DSCAM: variants seen among roughly 807,000 people sequenced by gnomAD.
DSCAM encodes DS cell adhesion molecule, also known as cell adhesion molecule DSCAM.
In DSCAM, 47 loss-of-function variants were observed where a neutral mutation model predicts 217.7. That is an observed-to-expected ratio of 0.22 (90% confidence interval 0.17 to 0.28). The LOEUF (loss-of-function observed/expected upper bound fraction) is 0.28, where lower values mean the gene tolerates loss of function less well. Ranked by LOEUF, DSCAM falls within the 10% of genes least tolerant of loss-of-function variation. The probability of loss-of-function intolerance (pLI) is 1.00; values close to 1 mark genes in which losing one functional copy is unlikely to be tolerated. For synonymous variants in DSCAM, 1,056 were observed against 1,015.3 expected (o/e 1.04, Z -0.76); for missense variants, 2,080 against 2,618.3 (o/e 0.79, Z 4.49).
intron 1 of DSCAM, among the ~76,000 whole-genome samples, chr21:40,840,459 T>C (rs1251971975): frequency 1.3e-5 from 2 of 152,080 alleles, no homozygotes; most frequent in Non-Finnish European, 2.9e-5. Flanking sequence ...AAACACTGTA[T>C]AGGAATTTTA....
chr21:40,465,289 C>A (rs980247144), intron 3 of DSCAM, among the ~76,000 whole-genome samples: 15 of 152,154 alleles, frequency 9.9e-5, no homozygotes, highest in African/African-American at 3.6e-4. Context: ...TTTGCACCTG[C>A]TTTTCTCTCT....
chr21:40,533,545 TCATCCATCCATTCATC>T (rs200509389), intron 3 of DSCAM, among the ~76,000 whole-genome samples: 12,002 of 67,262 alleles, frequency 0.18, 643 homozygotes, highest in Non-Finnish European at 0.32. Flanking sequence ...ATCCATCCAT[TCATCCATCCATTCATC>T]CATCCATCCA....
chr21:40,380,246 A>G (rs940081909), intron 3 of DSCAM, among the ~76,000 whole-genome samples: 3 of 152,240 alleles, frequency 2.0e-5, no homozygotes, highest in Non-Finnish European at 4.4e-5. Context: ...CAAGTCTGTC[A>G]CTAATCTTTG....
At chr21:40,214,155 T>C (rs544105091) in intron 11 of DSCAM, among the ~76,000 whole-genome samples, 54 of 152,354 alleles carry the variant, frequency 3.5e-4, no homozygotes, top group African/African-American at 1.2e-3. Context: ...AGGTAGTTTG[T>C]TGCCCAGCCC....
intron 10 of DSCAM, among the ~76,000 whole-genome samples, chr21:40,282,404 G>C (rs113560033): frequency 0.056 from 8,527 of 151,610 alleles, 539 homozygotes; most frequent in African/African-American, 0.15. Flanking sequence ...TAGCTAACAC[G>C]GTGAAACCCC....
At chr21:40,706,157 G>C (rs1263852101) in intron 2 of DSCAM, among the ~76,000 whole-genome samples, 1 of 142,470 alleles carries the variant, frequency 7.0e-6, no homozygotes, top group Admixed American at 7.3e-5. Context: ...TCCAGCCTGG[G>C]AAACAGAGCG....
chr21:40,143,967 G>GCTT (rs1312547594), intron 17 of DSCAM, among the ~76,000 whole-genome samples: 7 of 152,152 alleles, frequency 4.6e-5, no homozygotes, highest in African/African-American at 1.7e-4. Flanking sequence ...GGAAATTTGA[G>GCTT]CTTCTGGGTT....
rs541464680 is a variant in DSCAM, at chr21:40,528,862, G to GAC, written c.509-159619_509-159618dup. 2.7e-4 allele frequency among the ~76,000 whole-genome samples: 40 copies of GAC among 146,988 alleles called. No individual in the cohort carries two copies. In the South Asian group the frequency reaches 8.3e-3, roughly 31 times the overall value. On this transcript the variant is annotated intron_variant, in intron 3 of 32. Transcript: ENST00000400454. ...GAGCCTCCTCATGGACAGGATGAAA[G>GAC]ACACATTTTGTCTTTGGCAATGTCC...
chr21:40,094,138 C>T (rs2089647268), intron 20 of DSCAM, among the ~76,000 whole-genome samples: 1 of 152,064 alleles, frequency 6.6e-6, no homozygotes. Flanking sequence ...CTGTATTTGG[C>T]TGAGATGGAG....
At chr21:40,338,979 T>C in intron 7 of DSCAM, 140 bp downstream of exon 7, 2 of 1,069,366 alleles carry the variant, frequency 1.9e-6, no homozygotes, top group Non-Finnish European at 2.7e-6. Flanking sequence ...CATTCCTGAG[T>C]AGGAAGGAGA....
intron 1 of DSCAM, among the ~76,000 whole-genome samples, chr21:40,742,479 A>G (rs974087212): frequency 2.0e-5 from 3 of 152,238 alleles, no homozygotes; most frequent in Non-Finnish European, 2.9e-5. Flanking sequence ...ACATGGTCCT[A>G]CTGACACACT....
chr21:40,666,962 T>C (rs1261476782), intron 3 of DSCAM, among the ~76,000 whole-genome samples: 2 of 152,210 alleles, frequency 1.3e-5, no homozygotes, highest in African/African-American at 4.8e-5. Context: ...AAAAAGGCAT[T>C]GCACAGCCTC....
At chr21:40,840,033 A>T (rs1325459696) in intron 1 of DSCAM, among the ~76,000 whole-genome samples, 1 of 152,226 alleles carries the variant, frequency 6.6e-6, no homozygotes, top group African/African-American at 2.4e-5. Flanking sequence ...TTTTTAAAAA[A>T]TCAGCGTTGA....
intron 11 of DSCAM, among the ~76,000 whole-genome samples, chr21:40,269,293 A>G (rs1352287883): frequency 6.6e-6 from 1 of 152,172 alleles, no homozygotes; most frequent in Non-Finnish European, 1.5e-5. Flanking sequence ...GAATACGGAA[A>G]TCTTCTCCAG....
chr21:40,412,785 A>G (rs9647187), intron 3 of DSCAM, among the ~76,000 whole-genome samples: 56,875 of 152,154 alleles, frequency 0.37, 12,595 homozygotes, highest in Non-Finnish European at 0.48. Flanking sequence ...TAGGAGCCAA[A>G]TGTTAATCCC....
chr21:40,632,902 C>A lies in DSCAM; in HGVS notation c.508+59908G>T, dbSNP rs141876688. 1.4e-4 allele frequency among the ~76,000 whole-genome samples: 22 copies of A among 152,330 alleles called. 1 individual carries two copies. In the East Asian group the frequency reaches 4.2e-3, roughly 29 times the overall value. ...CACTATGACACCACCGATACTCCAT[C>A]ACTTTAAGCACCAACACTCAATCAT... is the stretch of plus-strand genomic sequence containing the variant. On this transcript the variant is annotated intron_variant, in intron 3 of 32. Coordinates refer to ENST00000400454, the MANE Select transcript of DSCAM (RefSeq NM_001389.5).
chr21:40,760,646 T>C (rs2091323510), intron 1 of DSCAM, among the ~76,000 whole-genome samples: 1 of 152,232 alleles, frequency 6.6e-6, no homozygotes. Flanking sequence ...AGCTGTGGCA[T>C]TTTGCCACCC....
intron 1 of DSCAM, among the ~76,000 whole-genome samples, chr21:40,763,916 C>T (rs1043109104): frequency 1.3e-5 from 2 of 152,164 alleles, no homozygotes; most frequent in African/African-American, 2.4e-5. Flanking sequence ...AACTGGACTC[C>T]TTCCTTAAAC....
intron 1 of DSCAM, among the ~76,000 whole-genome samples, chr21:40,841,245 T>C (rs1038899202): frequency 6.6e-6 from 1 of 152,136 alleles, no homozygotes; most frequent in Non-Finnish European, 1.5e-5. Context: ...CCTGCTTCCC[T>C]CCTGCCACCT....
Sources: allele counts gnomAD v4.1 joint callset (sites outside exome capture counted in the v4.1 genomes callset), GRCh38; gene constraint gnomAD v4.1.1; transcripts MANE v1.5; gene names NCBI Gene and HGNC (gene_info 2026-07-23, HGNC 2026-07-21).